Variants in E2F7 observed in about 807,000 individuals in gnomAD.
E2F7 encodes transcription factor E2F7.
A neutral mutation model predicts 81.1 loss-of-function variants in E2F7; 35 were observed. The observed-to-expected ratio is 0.43, with a 90% CI of 0.33 to 0.57. The LOEUF (loss-of-function observed/expected upper bound fraction) is 0.57, where lower values mean the gene tolerates loss of function less well. Ranked by LOEUF, E2F7 falls within the 20% of genes least tolerant of loss-of-function variation. E2F7 has a pLI of 0.04. For missense variants in E2F7, 961 were observed against 1,093.7 expected (o/e 0.88, Z 1.71); for synonymous variants, 416 against 416.2 (o/e 1.00, Z 0.01).
chr12:77,040,728 G>A (rs1231434239), intron 7 of E2F7, among the ~76,000 whole-genome samples: 3 of 152,176 alleles, frequency 2.0e-5, no homozygotes, highest in Non-Finnish European at 4.4e-5. Flanking sequence ...GGGGCAGGAG[G>A]AGGCTTTTGA....
chr12:77,032,078 G>T (rs141530795), intron 9 of E2F7, among the ~76,000 whole-genome samples: 21 of 152,078 alleles, frequency 1.4e-4, no homozygotes, highest in African/African-American at 3.9e-4. Context: ...TTCCACCTCT[G>T]GTGAGCACAG....
Position 77,023,593 on chromosome 12 carries a change from G to A in E2F7, c.*422C>T, listed in dbSNP as rs74103229. 276 of 155,202 alleles carry A rather than the reference G, an allele frequency of 1.8e-3. 2 individuals are homozygous for A. Among genetic ancestry groups the A allele is most frequent in the African/African-American group, 6.5e-3 (271 of 41,656 alleles). 9.6% of individuals were successfully genotyped at this position (155,202 alleles called of 1,614,324 possible). ...CTTCCTGATGAAGCCTAAGGAAGCA[G>A]TAGCTTTTTTAAACTGCAGAAAGGA... On this transcript the variant is annotated 3_prime_UTR_variant, in exon 13 of 13. Coordinates refer to ENST00000322886, the MANE Select transcript of E2F7 (RefSeq NM_203394.3).
chr12:77,043,224 G>A (rs192586506), intron 6 of E2F7, 25 bp from the exon 7 acceptor site: 93 of 1,613,442 alleles, frequency 5.8e-5, no homozygotes, highest in Admixed American at 4.2e-4. Flanking sequence ...ACACGATTAC[G>A]GTCATGCTGC....
At chr12:77,043,282 G>C in intron 6 of E2F7, 83 bp from the exon 7 acceptor site, 1 of 1,583,128 alleles carries the variant, frequency 6.3e-7, no homozygotes, top group Middle Eastern at 1.8e-4. Flanking sequence ...ACTTTTCTCG[G>C]CTGCCATATA....
At position 77,057,698 on chromosome 12, in the gene E2F7, C is replaced by T. The variant is rs573906466; in HGVS notation, c.94-1568G>A. 7.9e-5 allele frequency among the ~76,000 whole-genome samples: 12 copies of T among 152,256 alleles called. No homozygotes were observed. The South Asian group carries it at 2.5e-3, about 32-fold the overall frequency. ...AAGTATATAGAATCCACCTTTGGAACTAACAAGTAATTAAAACGTATCTTT... is the reference window on the plus strand; with the variant it reads ...AAGTATATAGAATCCACCTTTGGAATTAACAAGTAATTAAAACGTATCTTT... On this transcript the variant is annotated intron_variant, in intron 2 of 12. Coordinates refer to ENST00000322886, the MANE Select transcript of E2F7 (RefSeq NM_203394.3).
At chr12:77,048,778 G>A (rs1190562712) in intron 4 of E2F7, among the ~76,000 whole-genome samples, 1 of 152,128 alleles carries the variant, frequency 6.6e-6, no homozygotes, top group African/African-American at 2.4e-5. Flanking sequence ...CCATAACATG[G>A]GGATGTGCAC....
chr12:77,039,196 C>T (rs1490579861), intron 7 of E2F7, among the ~76,000 whole-genome samples: 2 of 152,182 alleles, frequency 1.3e-5, no homozygotes, highest in Non-Finnish European at 2.9e-5. Context: ...CAGAAAAGCA[C>T]CCCATTGATC....
intron 5 of E2F7, among the ~76,000 whole-genome samples, chr12:77,045,240 T>C (rs900048758): frequency 1.3e-5 from 2 of 152,122 alleles, no homozygotes; most frequent in East Asian, 1.9e-4. Context: ...ACCCTAAACA[T>C]AGAAGATGCC....
At chr12:77,054,667 A>T (rs1269447271) in intron 3 of E2F7, among the ~76,000 whole-genome samples, 1 of 152,136 alleles carries the variant, frequency 6.6e-6, no homozygotes, top group East Asian at 1.9e-4. Flanking sequence ...GGGGCGTGTT[A>T]AACAACTAGT....
chr12:77,024,007 G>A lies in E2F7; in HGVS notation c.*8C>T, dbSNP rs940434621. ...TTTGATCCCACCCCCACCTGGCAAA[G>A]CGGCAGGTTAGTCAGCGCCGCCGCT... On this transcript the variant is annotated 3_prime_UTR_variant, in exon 13 of 13. Transcript: ENST00000322886. 5 of 1,611,918 alleles carry A rather than the reference G, an allele frequency of 3.1e-6. No homozygotes were observed. Among genetic ancestry groups the A allele is most frequent in the Admixed American group, 1.7e-5 (1 of 59,820 alleles).
intron 7 of E2F7, among the ~76,000 whole-genome samples, chr12:77,038,693 T>C (rs560851230): frequency 2.0e-5 from 3 of 152,290 alleles, no homozygotes; most frequent in South Asian, 4.1e-4. Context: ...AGCTTCCACC[T>C]TGAGAAACTA....
rs1400384928 is a variant in E2F7 at position 77,024,142 on chromosome 12, C to T, written c.2609G>A (p.Arg870His). 1.9e-6 allele frequency: 3 copies of T among 1,613,818 alleles called. No individual in the cohort carries two copies. Among genetic ancestry groups the T allele is most frequent in the Non-Finnish European group, 2.5e-6 (3 of 1,179,956 alleles). Reference protein sequence around the residue: ...VTPKSIQRTHRETFFKTPGSL... With the variant: ...VTPKSIQRTHHETFFKTPGSL... The stretch of plus-strand genomic sequence containing the variant: ...GCCGGGTGTCTTGAAAAACGTCTCA[C>T]GATGTGTGCGTTGGATGCTCTTGGG... Residue 870 changes from arginine (R) to histidine (H), a missense_variant, in exon 13 of 13, where the codon CGT becomes CAT. Around this residue, in one of 3 missense-constraint regions of E2F7, gnomAD observed 587 missense variants for 620.3 expected, o/e 0.95. Coordinates refer to ENST00000322886, the MANE Select transcript of E2F7 (RefSeq NM_203394.3).
At chr12:77,024,306 GCTTT>G in intron 12 of E2F7, 121 bp from the exon 13 acceptor site, 1 of 1,082,704 alleles carries the variant, frequency 9.2e-7, no homozygotes, top group South Asian at 1.7e-5. Context: ...CTTCTTCTTT[GCTTT>G]CTTATCACAC....
chr12:77,059,988 G>A (rs1369522032), intron 2 of E2F7, among the ~76,000 whole-genome samples: 1 of 147,226 alleles, frequency 6.8e-6, no homozygotes, highest in Non-Finnish European at 1.5e-5. Context: ...AAAAAGCCAG[G>A]CCTCCTTGCC....
chr12:77,046,386 T>C, intron 4 of E2F7, 58 bp from the exon 5 acceptor site: 13 of 1,552,970 alleles, frequency 8.4e-6, no homozygotes, highest in Non-Finnish European at 1.1e-5. Flanking sequence ...TGAAGAGAAG[T>C]TCCTTGAGGG....
At chr12:77,050,850 A>G in intron 3 of E2F7, 106 bp from the exon 4 acceptor site, 1 of 1,087,598 alleles carries the variant, frequency 9.2e-7, no homozygotes, top group African/African-American at 1.6e-5. Context: ...CTCAATCCAT[A>G]CCATCCTAGA....
intron 4 of E2F7, among the ~76,000 whole-genome samples, chr12:77,049,798 A>G (rs1420654829): frequency 6.6e-6 from 1 of 152,204 alleles, no homozygotes; most frequent in African/African-American, 2.4e-5. Flanking sequence ...TCTATCATTT[A>G]TTTATTTAGC....
intron 7 of E2F7, 149 bp from the exon 8 acceptor site, chr12:77,034,191 G>C (rs1452238554): frequency 3.2e-6 from 2 of 623,796 alleles, no homozygotes; most frequent in Admixed American, 3.9e-5. Flanking sequence ...AATTTTATGA[G>C]CCTTGTCTCA....
chr12:77,039,657 T>G (rs1954880057), intron 7 of E2F7, among the ~76,000 whole-genome samples: 1 of 152,150 alleles, frequency 6.6e-6, no homozygotes. Flanking sequence ...ACTGACCATA[T>G]CAAGTTTTGG....
Sources: allele counts gnomAD v4.1 joint callset (sites outside exome capture counted in the v4.1 genomes callset), GRCh38; gene constraint gnomAD v4.1.1; regional missense constraint gnomAD v4.1.1; transcripts MANE v1.5; gene names NCBI Gene and HGNC (gene_info 2026-07-23, HGNC 2026-07-21).